Variants in RBFOX3 observed in about 807,000 individuals in gnomAD.
RBFOX3 encodes RNA binding protein fox-1 homolog 3.
In RBFOX3, 17 loss-of-function variants were observed where a neutral mutation model predicts 48.7. The ratio of observed to expected loss-of-function variants is 0.35; its 90% confidence interval spans 0.24 to 0.52. The LOEUF (loss-of-function observed/expected upper bound fraction) is 0.52, where lower values mean the gene tolerates loss of function less well. Among genes scored for constraint, RBFOX3 ranks in the 20% least tolerant of loss-of-function variants. The pLI, the probability that RBFOX3 is intolerant of heterozygous loss-of-function variation, is 0.94. For missense variants in RBFOX3, 382 were observed against 497.5 expected, an observed-to-expected ratio of 0.77 and a Z score of 2.21; for synonymous variants, 212 against 209.5, an observed-to-expected ratio of 1.01 and a Z score of -0.10.
At chr17:79,317,791 T>C (rs1321058373) in intron 2 of RBFOX3, among the ~76,000 whole-genome samples, 1 of 152,018 alleles carries the variant, frequency 6.6e-6, no homozygotes, top group Non-Finnish European at 1.5e-5. Context: ...GATGAGGCCA[T>C]GGTGAACCTA....
At chr17:79,584,031 G>T (rs2093161982) in intron 1 of RBFOX3, among the ~76,000 whole-genome samples, 1 of 152,100 alleles carries the variant, frequency 6.6e-6, no homozygotes, top group Non-Finnish European at 1.5e-5. Flanking sequence ...AATGGAGAAT[G>T]CTGGGAGAGG....
intron 3 of RBFOX3, among the ~76,000 whole-genome samples, chr17:79,277,450 T>G (rs2069169146): frequency 1.3e-5 from 2 of 152,332 alleles, no homozygotes; most frequent in South Asian, 4.1e-4. Context: ...ATTGTGCTGG[T>G]GGGATCCAAC....
intron 14 of RBFOX3, among the ~76,000 whole-genome samples, chr17:79,091,674 CCTG>C (rs1468265067): frequency 1.3e-5 from 2 of 152,196 alleles, no homozygotes; most frequent in African/African-American, 4.8e-5. Flanking sequence ...AGCTCTCCTG[CCTG>C]CTGAGGACCC....
chr17:79,488,282 T>C (rs1162081952), intron 1 of RBFOX3, among the ~76,000 whole-genome samples: 2 of 152,250 alleles, frequency 1.3e-5, no homozygotes, highest in East Asian at 1.9e-4. Flanking sequence ...GCTTCATTTA[T>C]AGGATTTAAG....
chr17:79,196,935 C>A (rs2055714363), intron 4 of RBFOX3, among the ~76,000 whole-genome samples: 1 of 152,158 alleles, frequency 6.6e-6, no homozygotes, highest in South Asian at 2.1e-4. Context: ...CTGGGGCCCA[C>A]CAAGTGGAAA....
chr17:79,463,652 A>ACCG (rs1159947610), intron 2 of RBFOX3, among the ~76,000 whole-genome samples: 1 of 103,764 alleles, frequency 9.6e-6, no homozygotes, highest in Non-Finnish European at 2.0e-5. Context: ...CACCTCCACC[A>ACCG]CCATCGCCAC....
At chr17:79,175,873 C>T (rs72856441) in intron 4 of RBFOX3, among the ~76,000 whole-genome samples, 17,925 of 152,298 alleles carry the variant, frequency 0.12, 1,191 homozygotes, top group Non-Finnish European at 0.16. Flanking sequence ...GAGGCTTAGA[C>T]ACAGACGCCC....
At chr17:79,484,793 A>G (rs1170410711) in intron 1 of RBFOX3, among the ~76,000 whole-genome samples, 1 of 152,082 alleles carries the variant, frequency 6.6e-6, no homozygotes, top group African/African-American at 2.4e-5. Flanking sequence ...TGGGCAGGGA[A>G]GTCCATGGGG....
rs367986678 is a variant in RBFOX3 at position 79,174,616 on chromosome 17, T to C, written c.-33-58868A>G. On this transcript the variant is annotated intron_variant, in intron 4 of 14. Coordinates refer to ENST00000693108, the MANE Select transcript of RBFOX3 (RefSeq NM_001350451.2). ...CACACACCACTCACACTGACACACATCCACAATGCAGTCGCTTACATGCAC... is the reference window on the plus strand; with the variant it reads ...CACACACCACTCACACTGACACACACCCACAATGCAGTCGCTTACATGCAC... Among the ~76,000 whole-genome samples, 105 of 150,222 alleles carry C rather than the reference T, an allele frequency of 7.0e-4. 1 individual carries two copies. Among genetic ancestry groups the C allele is most frequent in the African/African-American group, 2.4e-3 (96 of 40,654 alleles).
At chr17:79,308,784 C>A (rs2076426851) in intron 2 of RBFOX3, among the ~76,000 whole-genome samples, 2 of 151,098 alleles carry the variant, frequency 1.3e-5, no homozygotes, top group African/African-American at 4.9e-5. Flanking sequence ...TCTGCTGGCA[C>A]CTGGATCTTG....
chr17:79,419,252 G>A (rs369274284), intron 2 of RBFOX3, among the ~76,000 whole-genome samples: 16 of 152,268 alleles, frequency 1.1e-4, no homozygotes, highest in African/African-American at 2.4e-4. Context: ...CCTTTTCCCC[G>A]TGAGAGGCCT....
At chr17:79,442,234 A>AGGGAGG (rs1395014827) in intron 2 of RBFOX3, among the ~76,000 whole-genome samples, 1 of 12,150 alleles carries the variant, frequency 8.2e-5, no homozygotes, top group African/African-American at 3.5e-4. Context: ...AGAGAGAGAG[A>AGGGAGG]GAGAGAGAGA....
intron 1 of RBFOX3, among the ~76,000 whole-genome samples, chr17:79,538,952 C>T (rs748717893): frequency 6.3e-4 from 96 of 152,262 alleles, no homozygotes; most frequent in Non-Finnish European, 1.2e-3. Context: ...CACATAAATA[C>T]GCATGCAAAC....
chr17:79,656,919 A>AGGAAGGAAGGAAGG, the RBFOX3 span, among the ~76,000 whole-genome samples: 2 of 150,972 alleles, frequency 1.3e-5, no homozygotes, highest in African/African-American at 4.9e-5. Flanking sequence ...GAAGGAAGGA[A>AGGAAGGAAGGAAGG]AAGAAAAGAG....
chr17:79,104,242 C>T (rs1374971518), intron 6 of RBFOX3, 116 bp from the exon 7 acceptor site: 2 of 973,928 alleles, frequency 2.1e-6, no homozygotes, highest in African/African-American at 3.2e-5. Context: ...TGCCCTCGGC[C>T]CCCAGCTTGG....
intron 4 of RBFOX3, among the ~76,000 whole-genome samples, chr17:79,137,865 G>T (rs570091156): frequency 6.6e-6 from 1 of 152,308 alleles, no homozygotes; most frequent in South Asian, 2.1e-4. Flanking sequence ...TTCCTCCCGG[G>T]TAATTGAGGG....
chr17:79,210,222 A>C (rs904457568), intron 4 of RBFOX3, among the ~76,000 whole-genome samples: 13 of 152,108 alleles, frequency 8.5e-5, no homozygotes, highest in African/African-American at 2.7e-4. Context: ...CTGGTCAAGG[A>C]GGGAGGCTAT....
In RBFOX3 at chr17:79,090,900, G is replaced by A. The variant is rs1034198111; in HGVS notation, c.1078-15C>T. 5.2e-6 allele frequency: 8 copies of A among 1,533,642 alleles called. No individual in the cohort carries two copies. The highest frequency in any genetic ancestry group is 7.0e-6 in the Non-Finnish European group (8 of 1,141,150). ...GGAAGGTTTCACTACAACAGAAACA[G>A]AAAGGCAGGACTTGCAGCTTCTCGG... is the stretch of plus-strand genomic sequence containing the variant. On this transcript the variant is annotated splice_polypyrimidine_tract_variant and intron_variant, in intron 14 of 14. Transcript: ENST00000693108.
At position 79,103,096 on chromosome 17, in the gene RBFOX3, TG is replaced by T. The variant is rs1568131988; in HGVS notation, c.507+65del. 3 of 1,223,120 alleles carry T rather than the reference TG, an allele frequency of 2.5e-6. No homozygotes were observed. The highest frequency in any genetic ancestry group is 1.2e-6 in the Non-Finnish European group (1 of 851,848). 75.8% of individuals were successfully genotyped at this position (1,223,120 alleles called of 1,614,324 possible). On this transcript the variant is annotated intron_variant, in intron 8 of 14. Coordinates refer to ENST00000693108, the MANE Select transcript of RBFOX3 (RefSeq NM_001350451.2). The surrounding 1 kb of genome is among the most constrained non-coding windows in gnomAD (Gnocchi z 6.1). ...TGCGGCAGTGGCAGGGCTGGTTGGT[TG>T]GGGGAGCTGGGGGGCAGGTGGGCGA... is the stretch of plus-strand genomic sequence containing the variant.
Sources: allele counts gnomAD v4.1 joint callset (sites outside exome capture counted in the v4.1 genomes callset), GRCh38; gene constraint gnomAD v4.1.1; non-coding constraint Gnocchi (gnomAD v3.1); transcripts MANE v1.5; gene names NCBI Gene and HGNC (gene_info 2026-07-23, HGNC 2026-07-21).